GOLGA2: variants seen among roughly 807,000 people sequenced by gnomAD.
The protein encoded by GOLGA2 is golgin A2.
In GOLGA2, 49 loss-of-function variants were observed where a neutral mutation model predicts 148.8. That is an observed-to-expected ratio of 0.33 (90% CI 0.26 to 0.42). GOLGA2 has a LOEUF of 0.42. Ranked by LOEUF, GOLGA2 falls within the 10% of genes least tolerant of loss-of-function variation. GOLGA2 has a pLI of 1.00. For missense variants in GOLGA2, 1,178 were observed against 1,304.6 expected (o/e 0.90, Z 1.49); for synonymous variants, 501 against 511.8 (o/e 0.98, Z 0.28).
intron 19 of GOLGA2, 57 bp from the exon 20 acceptor site, chr9:128,259,448 C>T: frequency 8.7e-7 from 1 of 1,143,426 alleles, no homozygotes; most frequent in Non-Finnish European, 1.3e-6. Flanking sequence ...GATTCAGGGC[C>T]CATAAATAGG....
Position 128,259,337 on chromosome 9 carries a change from G to A in GOLGA2, c.1927C>T (p.Leu643=). 1 of 1,608,952 alleles carries A rather than the reference G, an allele frequency of 6.2e-7. No individual in the cohort carries two copies. The highest frequency in any genetic ancestry group is 1.1e-5 in the South Asian group (1 of 90,454). Residue 643 remains leucine (L), a synonymous_variant, in exon 20 of 27, where the codon CTG becomes TTG. Transcript: ENST00000611957. The stretch of plus-strand genomic sequence containing the variant: ...GCCACATACTGCTGCAGGTGTCCCA[G>A]GTACTGGTCTCGCTGCTGCTGCAGA... The part of the protein sequence containing the change: ...QSLQQQRDQY[L]GHLQQYVAAY...
Position 128,266,111 on chromosome 9 carries a change from G to C in GOLGA2, c.682-91C>G, listed in dbSNP as rs1417928920. Reference sequence around the variant, plus strand: ...CCCCAGAATGCCACCAATGTCCCAGGACAGGCCCACCCATGGGACCAGGTT... The same window carrying C: ...CCCCAGAATGCCACCAATGTCCCAGCACAGGCCCACCCATGGGACCAGGTT... On this transcript the variant is annotated intron_variant, in intron 9 of 26. Transcript: ENST00000611957. The surrounding 1 kb of genome is among the most constrained non-coding windows in gnomAD (Gnocchi z 4.2). 5.0e-6 allele frequency: 7 copies of C among 1,402,162 alleles called. No homozygotes were observed. The Admixed American group carries it at 1.2e-4, about 23-fold the overall frequency. The allele number at this position is 1,402,162 out of a possible 1,614,324, so 86.9% of individuals were successfully genotyped here.
At chr9:128,263,263 G>A (rs1386844270) in intron 12 of GOLGA2, among the ~76,000 whole-genome samples, 171 bp from the exon 13 acceptor site, 2 of 152,068 alleles carry the variant, frequency 1.3e-5, no homozygotes, top group Admixed American at 1.3e-4. Flanking sequence ...TGTTGCTGTT[G>A]TTGTTTTTGA....
rs1554790309 is a variant in GOLGA2, at chr9:128,267,521, T to C, written c.502-4A>G. On this transcript the variant is annotated splice_polypyrimidine_tract_variant and splice_region_variant and intron_variant, in intron 6 of 26. Transcript: ENST00000611957. ...CCCCATTGACACATGTCGCAGACTA[T>C]AAGAGACGAGAGTGCACATGGAGAT... 10 of 1,610,242 alleles carry C rather than the reference T, an allele frequency of 6.2e-6. No individual in the cohort carries two copies. In the South Asian group the frequency reaches 7.7e-5, roughly 12 times the overall value.
chr9:128,268,219 T>C, intron 4 of GOLGA2, 59 bp from the exon 5 acceptor site: 1 of 1,430,722 alleles, frequency 7.0e-7, no homozygotes, highest in Admixed American at 1.7e-5. Context: ...TCACCCAGGA[T>C]GGGGTGAGTC....
Position 128,259,454 on chromosome 9 carries a change from A to C in GOLGA2, c.1873-63T>G, listed in dbSNP as rs1020482105. 9.3e-6 allele frequency: 10 copies of C among 1,072,226 alleles called. No individual in the cohort carries two copies. The African/African-American group carries it at 1.6e-4, about 17-fold the overall frequency. 66.4% of individuals were successfully genotyped at this position (1,072,226 alleles called of 1,614,324 possible). Reference sequence around the variant, plus strand: ...CTGCTTCCAGATTCAGGGCCCATAAATAGGGTAGCGAGGGCTCTGTCACCT... The same window carrying C: ...CTGCTTCCAGATTCAGGGCCCATAACTAGGGTAGCGAGGGCTCTGTCACCT... On this transcript the variant is annotated intron_variant, in intron 19 of 26. Transcript: ENST00000611957.
At position 128,261,627 on chromosome 9, in the gene GOLGA2, G is replaced by A. The variant is rs1329185906; in HGVS notation, c.1224+41C>T. The A allele has an allele frequency of 6.5e-7, 1 of 1,526,850 alleles. No individual in the cohort carries two copies. The highest frequency in any genetic ancestry group is 9.1e-7 in the Non-Finnish European group (1 of 1,100,352). 94.6% of individuals were successfully genotyped at this position (1,526,850 alleles called of 1,614,324 possible). ...GTTGTCACCTACTCCTGGCCACCTG[G>A]GGTCATCTTCCTTCTACATCCCTCC... On this transcript the variant is annotated intron_variant, in intron 15 of 26. Transcript: ENST00000611957. This position sits in a 1 kb window ranked among gnomAD's most constrained non-coding sequence, Gnocchi z 5.7.
In GOLGA2 at chr9:128,260,597, C is replaced by T; in HGVS notation, c.1626G>A (p.Gly542=). The T allele has an allele frequency of 6.2e-7, 1 of 1,611,608 alleles. No homozygotes were observed. Among genetic ancestry groups the T allele is most frequent in the South Asian group, 1.1e-5 (1 of 91,076 alleles). ...LELERAAELW[G]EQAEARRQIL... is the part of the protein sequence containing the mutation. ...TTTGCCTGCGCGCCTCCGCCTGCTCCCCCCAGAGCTCGGCCGCCCGCTCCA... is the reference window on the plus strand; with the variant it reads ...TTTGCCTGCGCGCCTCCGCCTGCTCTCCCCAGAGCTCGGCCGCCCGCTCCA... The change falls in exon 18 of 27, where the codon GGG becomes GGA. Residue 542 remains glycine (G), a synonymous_variant. Coordinates refer to ENST00000611957, the MANE Select transcript of GOLGA2 (RefSeq NM_001366244.2). The surrounding 1 kb of genome is among the most constrained non-coding windows in gnomAD (Gnocchi z 4.8).
rs1830153164 is a variant in GOLGA2, at chr9:128,260,064, G to C, written c.1872+12C>G. 6.3e-7 allele frequency: 1 copy of C among 1,579,104 alleles called. No individual in the cohort carries two copies. The highest frequency in any genetic ancestry group is 8.7e-7 in the Non-Finnish European group (1 of 1,153,888). On this transcript the variant is annotated intron_variant, in intron 19 of 26. Coordinates refer to ENST00000611957, the MANE Select transcript of GOLGA2 (RefSeq NM_001366244.2). The surrounding 1 kb of genome is among the most constrained non-coding windows in gnomAD (Gnocchi z 4.8). ...CCCGCCTCCCAGCCCTTCTTGGATG[G>C]GGCGGGGTTACCGTTTCCTTCAGCT...
In GOLGA2 at chr9:128,262,202, AG is replaced by A. The variant is rs1464192541; in HGVS notation, c.1134+360del. On this transcript the variant is annotated intron_variant, in intron 14 of 26. Transcript: ENST00000611957. ...ACCCCGTCTAAAAAAAAAAAAAAAA[AG>A]ATCTCTACTCTCTATTATTAGTGAA... 8.0e-3 allele frequency among the ~76,000 whole-genome samples: 1,215 copies of A among 151,526 alleles called. 26 individuals carry two copies. The highest frequency in any genetic ancestry group is 0.028 in the African/African-American group (1,163 of 41,346).
chr9:128,275,837 T>C (rs1025443778), intron 1 of GOLGA2, 56 bp downstream of exon 1: 3 of 911,980 alleles, frequency 3.3e-6, no homozygotes, highest in Middle Eastern at 2.1e-4. Context: ...GCCATGGTCC[T>C]GCCATCGGAG....
chr9:128,257,464 T>G lies in GOLGA2; in HGVS notation c.2780A>C (p.His927Pro). The change falls in exon 26 of 27, where the codon CAT becomes CCT. Residue 927 changes from histidine to proline, a missense_variant. Transcript: ENST00000611957. The surrounding 1 kb of genome is among the most constrained non-coding windows in gnomAD (Gnocchi z 8.0). ...LRLVGDRNEW[H>P]GRFLAAAQNP... ...CTGGGCAGCTGCCAGGAATCTGCCA[T>G]GCCACTCGTTGCGGTCGCCCACAAG... The G allele has an allele frequency of 6.2e-6, 10 of 1,613,278 alleles. No homozygotes were observed. The highest frequency in any genetic ancestry group is 8.5e-6 in the Non-Finnish European group (10 of 1,179,988).
chr9:128,268,270 G>C, intron 4 of GOLGA2, 110 bp from the exon 5 acceptor site: 1 of 1,188,432 alleles, frequency 8.4e-7, no homozygotes, highest in Non-Finnish European at 1.3e-6. Context: ...ATCTCCCCAG[G>C]CCTCAAGGAA....
chr9:128,267,077 C>T (rs1246444349), intron 8 of GOLGA2, 117 bp downstream of exon 8: 3 of 781,896 alleles, frequency 3.8e-6, no homozygotes, highest in South Asian at 1.4e-5. Flanking sequence ...CTGGGCCCCC[C>T]AGCTCCCCAT....
rs1320516217 is a variant in GOLGA2 at position 128,257,870 on chromosome 9, T to C, written c.2531A>G (p.Gln844Arg). Residue 844 changes from glutamine to arginine, a missense_variant, in exon 24 of 27, where the codon CAG becomes CGG. Gln to Arg is a conservative substitution (Grantham distance 43). Transcript: ENST00000611957. This position sits in a 1 kb window ranked among gnomAD's most constrained non-coding sequence, Gnocchi z 8.0. ...KLQSRFMELMQEKADLKERVE... is the reference protein window; with the variant it reads ...KLQSRFMELMREKADLKERVE... ...CCTCTCCTTCAGGTCTGCCTTCTCC[T>C]GCATGAGCTCCATAAAGCGGCTCTG... 1.2e-6 allele frequency: 2 copies of C among 1,614,142 alleles called. No homozygotes were observed. Among genetic ancestry groups the C allele is most frequent in the Non-Finnish European group, 1.7e-6 (2 of 1,179,992 alleles).
intron 11 of GOLGA2, 43 bp downstream of exon 11, chr9:128,265,745 C>G (rs1431228396): frequency 1.9e-6 from 3 of 1,610,994 alleles, no homozygotes; most frequent in Non-Finnish European, 2.5e-6. Context: ...AAAGGCCTGT[C>G]AAAGTGCCAG....
At chr9:128,265,125 A>G (rs757781096) in intron 12 of GOLGA2, among the ~76,000 whole-genome samples, 1 of 152,208 alleles carries the variant, frequency 6.6e-6, no homozygotes, top group Non-Finnish European at 1.5e-5. Flanking sequence ...CAGAAGGGAA[A>G]TATCTTCCAG....
At position 128,260,956 on chromosome 9, in the gene GOLGA2, C is replaced by T. The variant is rs113885416; in HGVS notation, c.1421-154G>A. On this transcript the variant is annotated intron_variant, in intron 17 of 26. Transcript: ENST00000611957. The surrounding 1 kb of genome is among the most constrained non-coding windows in gnomAD (Gnocchi z 4.8). The stretch of plus-strand genomic sequence containing the variant: ...AATCTTCCAAACCACTTTCCGATAG[C>T]GACAACTGTGGGTGGCTGACAACGG... 6.1e-4 allele frequency: 417 copies of T among 678,186 alleles called. 2 individuals carry two copies. The African/African-American group carries it at 6.6e-3, about 11-fold the overall frequency. 42.0% of individuals were successfully genotyped at this position (678,186 alleles called of 1,614,324 possible). A position where few individuals can be genotyped will look rare whatever the true frequency, so the allele number is the denominator to read the frequency against.
chr9:128,258,527 CTCCTCCTCCTCA>C lies in GOLGA2; in HGVS notation c.2205_2216del (p.Asp735_Glu738del), dbSNP rs745903119. The C allele has an allele frequency of 6.9e-6, 11 of 1,593,462 alleles. No homozygotes were observed. The highest frequency in any genetic ancestry group is 9.4e-6 in the Non-Finnish European group (11 of 1,170,254). Reference sequence around the variant, plus strand: ...GAGGTACTGCCACCGCCTCCTCCTCCTCCTCCTCCTCATCCTCCTCCTCCTCCCGGTCCAGTC... The same window carrying C: ...GAGGTACTGCCACCGCCTCCTCCTCCTCCTCCTCCTCCTCCCGGTCCAGTC... On this transcript the variant is annotated inframe_deletion, in exon 22 of 27. Transcript: ENST00000611957. This position sits in a 1 kb window ranked among gnomAD's most constrained non-coding sequence, Gnocchi z 6.6.
Sources: gnomAD v4.1 joint callset for allele counts (sites outside exome capture counted in the v4.1 genomes callset) on GRCh38, gnomAD v4.1.1 for gene constraint, Gnocchi (gnomAD v3.1) non-coding constraint, MANE v1.5 for transcripts, NCBI Gene and HGNC (gene_info 2026-07-23, HGNC 2026-07-21) for gene names.